The following ARHGAP24 variants were observed in gnomAD, a reference collection of about 807,000 sequenced individuals.
ARHGAP24 encodes the protein Rho GTPase activating protein 24.
In ARHGAP24, 50 loss-of-function variants were observed where a neutral mutation model predicts 76.4. That is an observed-to-expected ratio of 0.65 (90% CI 0.52 to 0.83). ARHGAP24 has a LOEUF of 0.83. Ranked by LOEUF, ARHGAP24 falls within the 40% of genes least tolerant of loss-of-function variation. The pLI is 0.00. For synonymous variants in ARHGAP24, 345 were observed against 323.3 expected (o/e 1.07, Z -0.72); for missense variants, 930 against 914.2 (o/e 1.02, Z -0.22).
chr4:85,959,822 G>T (rs1738139680), intron 5 of ARHGAP24, among the ~76,000 whole-genome samples: 1 of 152,094 alleles, frequency 6.6e-6, no homozygotes, highest in Non-Finnish European at 1.5e-5. Flanking sequence ...AATGTATGAG[G>T]GTTATGACTT....
At chr4:85,605,098 T>C (rs1422994510) in intron 2 of ARHGAP24, among the ~76,000 whole-genome samples, 1 of 152,236 alleles carries the variant, frequency 6.6e-6, no homozygotes. Context: ...GTATTCACTC[T>C]AAAGTGTTAA....
intron 1 of ARHGAP24, among the ~76,000 whole-genome samples, chr4:85,544,171 A>C (rs1725815786): frequency 6.6e-6 from 1 of 152,166 alleles, no homozygotes; most frequent in East Asian, 1.9e-4. Flanking sequence ...GATAATTCTC[A>C]ATATGCAAAT....
chr4:85,555,065 A>G (rs1466884960), intron 1 of ARHGAP24, among the ~76,000 whole-genome samples: 2 of 151,914 alleles, frequency 1.3e-5, no homozygotes, highest in East Asian at 3.9e-4. Flanking sequence ...TTGGGTTTTG[A>G]CTTTCTCCTG....
intron 3 of ARHGAP24, among the ~76,000 whole-genome samples, chr4:85,729,140 C>T (rs991159387): frequency 1.4e-4 from 21 of 151,314 alleles, no homozygotes; most frequent in African/African-American, 5.1e-4. Context: ...TTTTGTCTGC[C>T]TAAGTCTGTA....
chr4:85,917,710 C>T (rs1735503654), intron 3 of ARHGAP24, among the ~76,000 whole-genome samples: 1 of 152,028 alleles, frequency 6.6e-6, no homozygotes, highest in African/African-American at 2.4e-5. Flanking sequence ...TAAATGTCTT[C>T]TTTTGAGAAG....
At chr4:85,779,115 T>G in intron 3 of ARHGAP24, 1 of 547,910 alleles carries the variant, frequency 1.8e-6, no homozygotes, top group Non-Finnish European at 2.3e-6. Context: ...ACTGTATTAT[T>G]TTCTGGCTGT....
chr4:85,521,404 A>T (rs1724741476), intron 1 of ARHGAP24, among the ~76,000 whole-genome samples: 5 of 87,620 alleles, frequency 5.7e-5, no homozygotes, highest in East Asian at 2.9e-3. Flanking sequence ...GAGCCACTTG[A>T]AAAAGTAATA....
At chr4:85,722,124 T>G in intron 3 of ARHGAP24, 152 bp downstream of exon 3, 2 of 663,636 alleles carry the variant, frequency 3.0e-6, no homozygotes, top group Non-Finnish European at 5.3e-6. Context: ...ACTGCAGGTT[T>G]ATATACTAGT....
intron 2 of ARHGAP24, among the ~76,000 whole-genome samples, chr4:85,685,632 C>CAAA (rs57825725): frequency 8.0e-6 from 1 of 124,436 alleles, no homozygotes; most frequent in Admixed American, 7.7e-5. Flanking sequence ...GACTCTGTCT[C>CAAA]AAAAAAAAAA....
intron 3 of ARHGAP24, chr4:85,722,369 G>A: frequency 2.3e-5 from 4 of 171,900 alleles, no homozygotes; most frequent in East Asian, 1.5e-4. Context: ...TATCTTCAAG[G>A]AGGTTTTGCA....
chr4:85,589,036 A>T (rs984060579), intron 2 of ARHGAP24, among the ~76,000 whole-genome samples: 1 of 152,248 alleles, frequency 6.6e-6, no homozygotes, highest in Admixed American at 6.5e-5. Flanking sequence ...TTTGTAAAAT[A>T]AATTGCATTG....
chr4:85,821,000 C>G (rs532336646), intron 3 of ARHGAP24, among the ~76,000 whole-genome samples: 53 of 151,772 alleles, frequency 3.5e-4, no homozygotes, highest in African/African-American at 1.3e-3. Flanking sequence ...TACAGTTTAC[C>G]TAGTGTTTTA....
chr4:85,883,093 T>C (rs1733353475), intron 3 of ARHGAP24, among the ~76,000 whole-genome samples: 1 of 152,100 alleles, frequency 6.6e-6, no homozygotes, highest in African/African-American at 2.4e-5. Flanking sequence ...AACAATGGGA[T>C]TTAAAACAAG....
Position 85,676,119 on chromosome 4 carries a change from A to G in ARHGAP24, c.181-45766A>G, listed in dbSNP as rs184325176. 3.2e-3 allele frequency among the ~76,000 whole-genome samples: 486 copies of G among 152,318 alleles called. 1 individual carries two copies. The highest frequency in any genetic ancestry group is 3.9e-3 in the Non-Finnish European group (263 of 68,030). On this transcript the variant is annotated intron_variant, in intron 2 of 9. Coordinates refer to ENST00000395184, the MANE Select transcript of ARHGAP24 (RefSeq NM_001025616.3). ...GCATAATTTGATTGATATGGCAGTT[A>G]TCATAGCAGCCTTGAACAGAATGCT...
In ARHGAP24 at chr4:85,515,987, C is replaced by T. The variant is rs543767417; in HGVS notation, c.-21+40428C>T. Among the ~76,000 whole-genome samples, 4 of 152,152 alleles carry T rather than the reference C, an allele frequency of 2.6e-5. No homozygotes were observed. The South Asian group carries it at 8.3e-4, about 32-fold the overall frequency. On this transcript the variant is annotated intron_variant, in intron 1 of 9. Transcript: ENST00000395184. ...CCTATTTAATATGTGTACAGCAGGA[C>T]CTGGAATAACATCTTTTTATTACAA...
chr4:85,477,263 A>G (rs1485546055), intron 1 of ARHGAP24, among the ~76,000 whole-genome samples: 2 of 152,158 alleles, frequency 1.3e-5, no homozygotes, highest in East Asian at 1.9e-4. Context: ...TTTCAACTAT[A>G]TTACTTGGTT....
chr4:85,766,656 A>C (rs1304535545), intron 3 of ARHGAP24, among the ~76,000 whole-genome samples: 1 of 152,188 alleles, frequency 6.6e-6, no homozygotes, highest in African/African-American at 2.4e-5. Flanking sequence ...GTAAAAAAAC[A>C]GATGAAAAAT....
At chr4:85,786,713 T>C in intron 3 of ARHGAP24, among the ~76,000 whole-genome samples, 1 of 152,240 alleles carries the variant, frequency 6.6e-6, no homozygotes, top group East Asian at 1.9e-4. Context: ...AGAGTAAATG[T>C]TGAATGCTTC....
At chr4:85,902,426 C>T (rs545071194) in intron 3 of ARHGAP24, among the ~76,000 whole-genome samples, 1 of 152,202 alleles carries the variant, frequency 6.6e-6, no homozygotes, top group East Asian at 1.9e-4. Context: ...TTACACTTCC[C>T]CATTCCATTG....
Sources: allele counts gnomAD v4.1 joint callset (sites outside exome capture counted in the v4.1 genomes callset), GRCh38; gene constraint gnomAD v4.1.1; transcripts MANE v1.5; gene names NCBI Gene and HGNC (gene_info 2026-07-23, HGNC 2026-07-21).